The following PCDH15 variants were observed in gnomAD, a reference collection of about 807,000 sequenced individuals.
PCDH15 encodes the protein protocadherin-15.
In PCDH15, 129 loss-of-function variants were observed where a neutral mutation model predicts 178.5. The observed-to-expected ratio is 0.72, with a 90% CI of 0.63 to 0.84. The LOEUF is 0.84. Among genes scored for constraint, PCDH15 ranks in the 40% least tolerant of loss-of-function variants. The probability of loss-of-function intolerance (pLI) is 0.00; values close to 1 mark genes in which losing one functional copy is unlikely to be tolerated. For missense variants in PCDH15, 2,230 were observed against 2,099.9 expected, an observed-to-expected ratio of 1.06 and a Z score of -1.21; for synonymous variants, 800 against 732.0, an observed-to-expected ratio of 1.09 and a Z score of -1.50.
In PCDH15 at chr10:54,832,367, C is replaced by T. The variant is rs112086395; in HGVS notation, c.-29+65083G>A. Among the ~76,000 whole-genome samples the T allele has an allele frequency of 3.7e-3, 562 of 152,158 alleles. 1 individual carries two copies. The highest frequency in any genetic ancestry group is 0.013 in the African/African-American group (539 of 41,522). ...TATTTAATATTTTATAACATGTCTA[C>T]TTTAATTACCAATTTAATTAGATAT... On this transcript the variant is annotated intron_variant, in intron 3 of 5. Coordinates refer to the PCDH15 transcript ENST00000458638.
intron 2 of PCDH15, among the ~76,000 whole-genome samples, chr10:55,331,048 C>G (rs1011867097): frequency 6.6e-6 from 1 of 151,798 alleles, no homozygotes. Context: ...AAGATACTTA[C>G]GATTTCTTAA....
chr10:55,029,677 C>CT (rs1373637057), intron 2 of PCDH15, among the ~76,000 whole-genome samples: 1 of 152,112 alleles, frequency 6.6e-6, no homozygotes, highest in African/African-American at 2.4e-5. Flanking sequence ...CTGCCTGTTC[C>CT]TTCTATTCCT....
chr10:54,053,291 G>T (rs1342175517), intron 18 of PCDH15, among the ~76,000 whole-genome samples: 1 of 152,064 alleles, frequency 6.6e-6, no homozygotes, highest in Non-Finnish European at 1.5e-5. Flanking sequence ...TTACATTTAG[G>T]AATCTTCATT....
chr10:54,160,912 T>C (rs940037285), intron 13 of PCDH15, among the ~76,000 whole-genome samples: 1 of 152,200 alleles, frequency 6.6e-6, no homozygotes, highest in Non-Finnish European at 1.5e-5. Context: ...AGAGAGGATG[T>C]AGTGGGTGGT....
intron 8 of PCDH15, among the ~76,000 whole-genome samples, chr10:54,291,281 A>G (rs539072550): frequency 1.3e-5 from 2 of 152,352 alleles, no homozygotes; most frequent in South Asian, 4.1e-4. Flanking sequence ...CAGTGAGAGA[A>G]AAGACACAAC....
At chr10:55,437,172 T>A (rs116486405) in intron 2 of PCDH15, among the ~76,000 whole-genome samples, 2,793 of 152,260 alleles carry the variant, frequency 0.018, 80 homozygotes, top group African/African-American at 0.063. Context: ...ATACCATCAC[T>A]CTTATCCAGA....
At chr10:54,798,328 C>T (rs923763503) in intron 1 of PCDH15, among the ~76,000 whole-genome samples, 11 of 152,048 alleles carry the variant, frequency 7.2e-5, no homozygotes, top group Admixed American at 3.3e-4. Context: ...GTTTTGAATC[C>T]ACATTCTCTC....
intron 2 of PCDH15, among the ~76,000 whole-genome samples, chr10:55,619,310 T>A (rs191627178): frequency 8.5e-5 from 13 of 152,060 alleles, no homozygotes; most frequent in African/African-American, 1.9e-4. Context: ...ATCAGAATTT[T>A]AAAAAAACTA....
chr10:55,612,424 C>T (rs142307380), intron 2 of PCDH15, among the ~76,000 whole-genome samples: 174 of 151,910 alleles, frequency 1.1e-3, no homozygotes, highest in African/African-American at 3.8e-3. Flanking sequence ...ATGGCACGTC[C>T]AAAAGAATAC....
intron 2 of PCDH15, among the ~76,000 whole-genome samples, chr10:55,360,996 A>G (rs1359957281): frequency 6.6e-6 from 1 of 152,016 alleles, no homozygotes; most frequent in Non-Finnish European, 1.5e-5. Context: ...AGAATACTAC[A>G]TAGCAACACG....
At chr10:55,001,881 T>C (rs1388793331) in intron 2 of PCDH15, among the ~76,000 whole-genome samples, 5 of 152,220 alleles carry the variant, frequency 3.3e-5, no homozygotes, top group African/African-American at 4.8e-5. Flanking sequence ...TTTCTCTAAA[T>C]TACTGTACTT....
chr10:54,236,187 C>A (rs1421471331), intron 9 of PCDH15, among the ~76,000 whole-genome samples: 1 of 152,154 alleles, frequency 6.6e-6, no homozygotes, highest in Non-Finnish European at 1.5e-5. Flanking sequence ...CTATGCAAAT[C>A]AGCAACATCC....
intron 2 of PCDH15, among the ~76,000 whole-genome samples, chr10:55,378,004 C>T (rs1016811092): frequency 2.6e-5 from 4 of 151,986 alleles, no homozygotes; most frequent in Non-Finnish European, 4.4e-5. Flanking sequence ...GGGAGTTGAA[C>T]AATGAGAACA....
At chr10:55,040,634 A>G (rs1328820650) in intron 2 of PCDH15, among the ~76,000 whole-genome samples, 1 of 152,200 alleles carries the variant, frequency 6.6e-6, no homozygotes, top group Non-Finnish European at 1.5e-5. Flanking sequence ...GAAAACTGTG[A>G]TTTAAACATA....
chr10:54,722,147 T>C (rs965768729), intron 1 of PCDH15, among the ~76,000 whole-genome samples: 6 of 151,670 alleles, frequency 4.0e-5, no homozygotes, highest in Non-Finnish European at 8.9e-5. Flanking sequence ...TGCAGAAAAT[T>C]CATCTGATAA....
intron 23 of PCDH15, among the ~76,000 whole-genome samples, chr10:53,942,525 T>G (rs2086160118): frequency 6.6e-6 from 1 of 152,202 alleles, no homozygotes; most frequent in Non-Finnish European, 1.5e-5. Context: ...TTGACTAGAT[T>G]CTCGCTAGCC....
chr10:54,216,210 C>T (rs935346556), intron 9 of PCDH15, among the ~76,000 whole-genome samples: 3 of 151,998 alleles, frequency 2.0e-5, no homozygotes, highest in African/African-American at 7.3e-5. Flanking sequence ...AATCCTAGCA[C>T]TTTGGGAGGC....
At chr10:53,974,507 GTCA>G (rs1048714719) in intron 21 of PCDH15, among the ~76,000 whole-genome samples, 18 of 152,064 alleles carry the variant, frequency 1.2e-4, no homozygotes, top group South Asian at 1.0e-3. Context: ...CTACTAACCT[GTCA>G]TCATGCTCAT....
intron 1 of PCDH15, among the ~76,000 whole-genome samples, chr10:54,664,950 T>C (rs560291163): frequency 6.6e-6 from 1 of 151,256 alleles, no homozygotes; most frequent in Non-Finnish European, 1.5e-5. Context: ...GATTGAGAAA[T>C]TAGTGGCCTG....
Sources: gnomAD v4.1 joint callset for allele counts (sites outside exome capture counted in the v4.1 genomes callset) on GRCh38, gnomAD v4.1.1 for gene constraint, MANE v1.5 for transcripts, NCBI Gene and HGNC (gene_info 2026-07-23, HGNC 2026-07-21) for gene names.